Variants in CHEK1 observed in about 807,000 individuals in gnomAD.
The protein encoded by CHEK1 is checkpoint kinase 1.
CHEK1 carries 32 observed loss-of-function variants against 60.2 expected under a neutral mutation model. That is an observed-to-expected ratio of 0.53 (90% CI 0.40 to 0.71). The LOEUF is 0.71. CHEK1 is among the 30% of genes least tolerant of loss of function. The probability of loss-of-function intolerance (pLI) is 0.00; values close to 1 mark genes in which losing one functional copy is unlikely to be tolerated. For synonymous variants in CHEK1, 179 were observed against 187.2 expected (o/e 0.96, Z 0.36); for missense variants, 399 against 564.6 (o/e 0.71, Z 2.97).
intron 13 of CHEK1, among the ~76,000 whole-genome samples, chr11:125,664,742 AT>A (rs895693917): frequency 6.0e-5 from 9 of 150,544 alleles, no homozygotes; most frequent in South Asian, 2.1e-4. Flanking sequence ...CTTCATTCCG[AT>A]TTTTTTTTGC....
chr11:125,663,649 G>T (rs2136080189), intron 13 of CHEK1, among the ~76,000 whole-genome samples: 1 of 152,174 alleles, frequency 6.6e-6, no homozygotes, highest in East Asian at 1.9e-4. Context: ...CTTTTGCCAT[G>T]CAGAAGCTCT....
At chr11:125,627,862 ACAAG>A in intron 3 of CHEK1, 32 bp downstream of exon 3, 1 of 1,469,422 alleles carries the variant, frequency 6.8e-7, no homozygotes, top group Non-Finnish European at 9.2e-7. Context: ...ATTATTTTAA[ACAAG>A]TTTTTAAATT....
At chr11:125,661,718 T>C (rs1420109397), downstream of CHEK1, among the ~76,000 whole-genome samples, 1 of 152,178 alleles carries the variant, frequency 6.6e-6, no homozygotes, top group Non-Finnish European at 1.5e-5. Flanking sequence ...ATATGCATAC[T>C]TGTTATAGTC....
downstream of CHEK1, among the ~76,000 whole-genome samples, chr11:125,658,377 T>TG (rs1440101183): frequency 6.6e-6 from 1 of 152,240 alleles, no homozygotes; most frequent in Non-Finnish European, 1.5e-5. Flanking sequence ...GAGCATTTTA[T>TG]GACATGCCTG....
chr11:125,636,311 G>A (rs1170943173), intron 7 of CHEK1, among the ~76,000 whole-genome samples: 2 of 152,054 alleles, frequency 1.3e-5, no homozygotes, highest in East Asian at 3.8e-4. Context: ...TGGTTTAAAG[G>A]CTGTGATAAT....
At chr11:125,635,780 T>G (rs1941050539) in intron 7 of CHEK1, 1 of 241,390 alleles carries the variant, frequency 4.1e-6, no homozygotes, top group African/African-American at 2.3e-5. Flanking sequence ...TGCTCTTAGA[T>G]GGCTTTTTAC....
intron 7 of CHEK1, 46 bp downstream of exon 7, chr11:125,635,579 G>T: frequency 8.0e-7 from 1 of 1,250,904 alleles, no homozygotes; most frequent in South Asian, 1.3e-5. Flanking sequence ...TCTTGGATAT[G>T]AAGTCTTGTG....
chr11:125,669,062 T>C (rs1942149808), intron 13 of CHEK1, among the ~76,000 whole-genome samples: 1 of 152,096 alleles, frequency 6.6e-6, no homozygotes, highest in African/African-American at 2.4e-5. Context: ...TAAAAAAAAG[T>C]CTGTGCAGGC....
rs1940568056 is a variant in CHEK1 at position 125,625,850 on chromosome 11, AC to A, written c.-180del. 1 of 702,370 alleles carries A rather than the reference AC, an allele frequency of 1.4e-6. No individual in the cohort carries two copies. The highest frequency in any genetic ancestry group is 1.7e-5 in the African/African-American group (1 of 57,250). The allele number at this position is 702,370 out of a possible 1,614,324, so 43.5% of individuals were successfully genotyped here. A position where few individuals can be genotyped will look rare whatever the true frequency, so the allele number is the denominator to read the frequency against. ...GCGGGAGCGGCAACATCTCCACGTC[AC>A]CCTTTTGGAGCCGCCGACATTCAGA... On this transcript the variant is annotated 5_prime_UTR_variant, in exon 1 of 13. It introduces an in-frame stop codon into an upstream open reading frame of the 5' UTR. Transcript: ENST00000438015.
downstream of CHEK1, chr11:125,680,697 G>T: frequency 6.3e-7 from 1 of 1,598,918 alleles, no homozygotes. Flanking sequence ...GACCCCTTTT[G>T]TATTTACCTG....
chr11:125,668,940 GT>G (rs1942147793), intron 13 of CHEK1, among the ~76,000 whole-genome samples: 1 of 151,818 alleles, frequency 6.6e-6, no homozygotes, highest in African/African-American at 2.4e-5. Context: ...TCTTATCACA[GT>G]TTAAAGTTAA....
chr11:125,665,869 C>CTTTTT (rs66560397), intron 13 of CHEK1, among the ~76,000 whole-genome samples: 18 of 30,522 alleles, frequency 5.9e-4, no homozygotes, highest in African/African-American at 8.3e-4. Context: ...CTTCATTCCC[C>CTTTTT]TTTTTTTTTT....
At position 125,630,840 on chromosome 11, in the gene CHEK1, G is replaced by C. The variant is rs573611329; in HGVS notation, c.424+1380G>C. Reference sequence around the variant, plus strand: ...TCACAGTGGTGATGTTTTTAATATAGCAGGAAACTAACCCAAATGTCTGTC... The same window carrying C: ...TCACAGTGGTGATGTTTTTAATATACCAGGAAACTAACCCAAATGTCTGTC... On this transcript the variant is annotated intron_variant, in intron 5 of 12. Transcript: ENST00000438015. Among the ~76,000 whole-genome samples the C allele has an allele frequency of 3.9e-5, 6 of 152,088 alleles. No homozygotes were observed. The South Asian group carries it at 1.0e-3, about 26-fold the overall frequency.
In CHEK1 at chr11:125,656,979, A is replaced by C. The variant is rs1941919922; in HGVS notation, c.*1659A>C. The C allele has an allele frequency of 5.1e-6, 1 of 195,744 alleles. No homozygotes were observed. The highest frequency in any genetic ancestry group is 6.1e-5 in the Admixed American group (1 of 16,462). 12.1% of individuals were successfully genotyped at this position (195,744 alleles called of 1,614,324 possible). On this transcript the variant is annotated 3_prime_UTR_variant, in exon 13 of 13. Transcript: ENST00000438015. ...ATAAGTACCTTTTAGAGTTATTTTA[A>C]TCTTTAATGCTTTAATGTGTAGGAA... is the stretch of plus-strand genomic sequence containing the variant.
chr11:125,678,558 A>G (rs1942634204), downstream of CHEK1, among the ~76,000 whole-genome samples: 1 of 152,080 alleles, frequency 6.6e-6, no homozygotes, highest in Non-Finnish European at 1.5e-5. Context: ...ATTAAGAACT[A>G]CTTAGGAGAA....
chr11:125,680,585 T>C, downstream of CHEK1: 1 of 699,850 alleles, frequency 1.4e-6, no homozygotes, highest in Admixed American at 2.4e-5. Flanking sequence ...TCAGGAGCTC[T>C]CCGAGTTGGA....
rs980219241 is a variant in CHEK1, at chr11:125,625,987, T to C, written c.-46T>C. 15 of 702,350 alleles carry C rather than the reference T, an allele frequency of 2.1e-5. No individual in the cohort carries two copies. In the African/African-American group the frequency reaches 2.4e-4, roughly 11 times the overall value. 43.5% of individuals were successfully genotyped at this position (702,350 alleles called of 1,614,324 possible). ...GGGAAAAGCGCTGCATTTGGATTCC[T>C]GCAGTGGTGGGCAAAGGACAGTCCG... is the stretch of plus-strand genomic sequence containing the variant. On this transcript the variant is annotated 5_prime_UTR_variant, in exon 1 of 13. Transcript: ENST00000438015.
rs74521832 is a variant in CHEK1, at chr11:125,652,883, A to G, written c.1234-863A>G. The stretch of plus-strand genomic sequence containing the variant: ...ATTTGAAACTCTATTATTGTTAAGT[A>G]TAGTCATCCTACAGTGGTCTAGAAC... On this transcript the variant is annotated intron_variant, in intron 11 of 12. Transcript: ENST00000438015. 4.0e-3 allele frequency among the ~76,000 whole-genome samples: 605 copies of G among 152,304 alleles called. 1 individual carries two copies. Among genetic ancestry groups the G allele is most frequent in the African/African-American group, 0.014 (589 of 41,576 alleles).
chr11:125,625,596 G>A lies in CHEK1; in HGVS notation c.-437G>A, dbSNP rs538066525. 3.0e-5 allele frequency: 18 copies of A among 592,244 alleles called. No individual in the cohort carries two copies. Among genetic ancestry groups the A allele is most frequent in the African/African-American group, 2.8e-4 (15 of 53,846 alleles). The allele number at this position is 592,244 out of a possible 1,614,324, so 36.7% of individuals were successfully genotyped here. ...CGGTGCAGCCTTTCAGGCCCAGAGCGGCCAGGAGCGAAGCCCGCAGCCCCG... is the reference window on the plus strand; with the variant it reads ...CGGTGCAGCCTTTCAGGCCCAGAGCAGCCAGGAGCGAAGCCCGCAGCCCCG... On this transcript the variant is annotated 5_prime_UTR_variant, in exon 1 of 13. Coordinates refer to ENST00000438015, the MANE Select transcript of CHEK1 (RefSeq NM_001114122.3).
Sources: gnomAD v4.1 joint callset for allele counts (sites outside exome capture counted in the v4.1 genomes callset) on GRCh38, gnomAD v4.1.1 for gene constraint, MANE v1.5 for transcripts, NCBI Gene and HGNC (gene_info 2026-07-23, HGNC 2026-07-21) for gene names.